ELAVL2: variants seen among roughly 807,000 people sequenced by gnomAD.
ELAVL2 encodes ELAV like RNA binding protein 2.
A neutral mutation model predicts 34.6 loss-of-function variants in ELAVL2; 4 were observed. The observed-to-expected ratio is 0.12, with a 90% CI of 0.06 to 0.26. ELAVL2 has a LOEUF of 0.26. ELAVL2 is among the 10% of genes least tolerant of loss of function. The probability of loss-of-function intolerance (pLI) is 1.00; values close to 1 mark genes in which losing one functional copy is unlikely to be tolerated. For synonymous variants in ELAVL2, 193 were observed against 154.8 expected, an observed-to-expected ratio of 1.25 and a Z score of -1.83; for missense variants, 432 against 442.8, an observed-to-expected ratio of 0.98 and a Z score of 0.22.
chr9:23,734,708 C>A (rs966991823), intron 2 of ELAVL2, among the ~76,000 whole-genome samples: 1 of 152,084 alleles, frequency 6.6e-6, no homozygotes, highest in Non-Finnish European at 1.5e-5. Flanking sequence ...AATTTCAGTG[C>A]CATTATTCAT....
At chr9:23,742,404 A>C (rs2049436583) in intron 2 of ELAVL2, among the ~76,000 whole-genome samples, 1 of 152,224 alleles carries the variant, frequency 6.6e-6, no homozygotes, top group Non-Finnish European at 1.5e-5. Context: ...GCAAAATTAC[A>C]CATGCCTTGT....
the ELAVL2 span, among the ~76,000 whole-genome samples, chr9:23,846,164 T>C: frequency 6.6e-6 from 1 of 151,800 alleles, no homozygotes; most frequent in Non-Finnish European, 1.5e-5. Flanking sequence ...TATTAGAGAG[T>C]CTATCATCTT....
intron 1 of ELAVL2, among the ~76,000 whole-genome samples, chr9:23,792,229 C>T (rs980983644): frequency 2.0e-5 from 3 of 152,112 alleles, no homozygotes; most frequent in South Asian, 2.1e-4. Flanking sequence ...GCAGGCTAGG[C>T]GAAAGCTATG....
chr9:23,774,937 A>AT (rs960253530), intron 1 of ELAVL2, among the ~76,000 whole-genome samples: 4 of 152,198 alleles, frequency 2.6e-5, no homozygotes, highest in Non-Finnish European at 5.9e-5. Context: ...GATCAGGCAA[A>AT]TGATCCATGT....
intron 2 of ELAVL2, among the ~76,000 whole-genome samples, chr9:23,746,319 T>TA: frequency 6.6e-6 from 1 of 152,244 alleles, no homozygotes; most frequent in South Asian, 2.1e-4. Flanking sequence ...ACTTTTGAGT[T>TA]AAAAAACACT....
chr9:23,770,972 G>A (rs1033942116), intron 1 of ELAVL2, among the ~76,000 whole-genome samples: 5 of 152,188 alleles, frequency 3.3e-5, no homozygotes, highest in African/African-American at 7.2e-5. Flanking sequence ...AAGAGGTAAT[G>A]AGGCCGGAAC....
chr9:23,700,191 AAAT>A (rs2036700273), intron 5 of ELAVL2, among the ~76,000 whole-genome samples: 1 of 152,202 alleles, frequency 6.6e-6, no homozygotes. Context: ...TGAATGAAAT[AAAT>A]AAAATTGATA....
chr9:23,743,302 T>G (rs991833694), intron 2 of ELAVL2, among the ~76,000 whole-genome samples: 4 of 152,316 alleles, frequency 2.6e-5, no homozygotes, highest in African/African-American at 9.6e-5. Context: ...CTCCTACGAT[T>G]GCCACATTCA....
At chr9:23,833,033 C>T in the ELAVL2 span, among the ~76,000 whole-genome samples, 1 of 151,872 alleles carries the variant, frequency 6.6e-6, no homozygotes, top group Admixed American at 6.6e-5. Flanking sequence ...AAAAATCCTT[C>T]ATATCTAACA....
At chr9:23,849,784 T>G in the ELAVL2 span, 1 of 152,206 alleles carries the variant, frequency 6.6e-6, no homozygotes, top group African/African-American at 2.4e-5. Flanking sequence ...TTCTTTTTGT[T>G]GTTGTTTAAC....
chr9:23,791,749 G>T (rs1273543244), intron 1 of ELAVL2, among the ~76,000 whole-genome samples: 1 of 152,188 alleles, frequency 6.6e-6, no homozygotes, highest in African/African-American at 2.4e-5. Context: ...CTGCAAGCCT[G>T]AAACAGTGGT....
chr9:23,745,880 G>C (rs1430040496), intron 2 of ELAVL2, among the ~76,000 whole-genome samples: 1 of 152,156 alleles, frequency 6.6e-6, no homozygotes, highest in East Asian at 1.9e-4. Flanking sequence ...AAAAGCTAGA[G>C]ATGAAACATT....
chr9:23,788,914 T>C (rs932549835), intron 1 of ELAVL2, among the ~76,000 whole-genome samples: 3 of 152,236 alleles, frequency 2.0e-5, no homozygotes, highest in Non-Finnish European at 2.9e-5. Context: ...GAATTGTTTA[T>C]GCCTGGAATT....
At chr9:23,792,672 T>C (rs1434193143) in intron 1 of ELAVL2, among the ~76,000 whole-genome samples, 1 of 152,194 alleles carries the variant, frequency 6.6e-6, no homozygotes, top group Admixed American at 6.6e-5. Context: ...CCTAATGTTT[T>C]CTCCCAACTT....
At chr9:23,744,596 CATT>C (rs2050056174) in intron 2 of ELAVL2, among the ~76,000 whole-genome samples, 2 of 151,978 alleles carry the variant, frequency 1.3e-5, no homozygotes, top group East Asian at 1.9e-4. Context: ...TTGACAACAA[CATT>C]ATTAAGGATT....
At chr9:23,838,090 A>G in the ELAVL2 span, among the ~76,000 whole-genome samples, 1 of 152,200 alleles carries the variant, frequency 6.6e-6, no homozygotes, top group Non-Finnish European at 1.5e-5. Context: ...TTATTTAATG[A>G]AATGTGAAGA....
intron 1 of ELAVL2, among the ~76,000 whole-genome samples, chr9:23,766,051 C>G (rs2056185917): frequency 1.3e-5 from 2 of 152,056 alleles, no homozygotes; most frequent in Admixed American, 1.3e-4. Flanking sequence ...TAAAAATAGA[C>G]AGTGAATAAC....
intron 1 of ELAVL2, among the ~76,000 whole-genome samples, chr9:23,775,031 G>C (rs1247260562): frequency 6.6e-6 from 1 of 152,048 alleles, no homozygotes; most frequent in African/African-American, 2.4e-5. Flanking sequence ...TTAAACTGTG[G>C]CTTTAAAATC....
In ELAVL2 at chr9:23,825,890, A is replaced by G. The variant is rs2065266072; in HGVS notation, c.-100T>C. ...ATAAGGATGAGCAAGAAGCTGCTGG[A>G]TAGTTCTCTTAAGACAGCACGAAAC... On this transcript the variant is annotated 5_prime_UTR_variant, in exon 1 of 7. Transcript: ENST00000397312. 6.6e-6 allele frequency: 1 copy of G among 152,214 alleles called. No homozygotes were observed. The highest frequency in any genetic ancestry group is 2.1e-4 in the South Asian group (1 of 4,832). The allele number at this position is 152,214 out of a possible 1,614,324, so 9.4% of individuals were successfully genotyped here.
Sources: gnomAD v4.1 joint callset for allele counts (sites outside exome capture counted in the v4.1 genomes callset) on GRCh38, gnomAD v4.1.1 for gene constraint, MANE v1.5 for transcripts, NCBI Gene and HGNC (gene_info 2026-07-23, HGNC 2026-07-21) for gene names.